The following CAST variants were observed in gnomAD, a reference collection of about 807,000 sequenced individuals.
The protein encoded by CAST is calpastatin.
A neutral mutation model predicts 119.6 loss-of-function variants in CAST; 76 were observed. The ratio of observed to expected loss-of-function variants is 0.64; its 90% CI spans 0.53 to 0.77. CAST has a LOEUF of 0.77. Ranked by LOEUF, CAST falls within the 30% of genes least tolerant of loss-of-function variation. The pLI is 0.00. For missense variants in CAST, 953 were observed against 946.5 expected, an observed-to-expected ratio of 1.01 and a Z score of -0.09; for synonymous variants, 319 against 331.6, an observed-to-expected ratio of 0.96 and a Z score of 0.41.
chr5:96,491,677 C>T, the CAST span, among the ~76,000 whole-genome samples: 289 of 151,872 alleles, frequency 1.9e-3, no homozygotes, highest in African/African-American at 6.6e-3. Context: ...ATATGCCCAA[C>T]AGGAATGTAA....
chr5:96,043,450 G>C, the CAST span, among the ~76,000 whole-genome samples: 1 of 152,136 alleles, frequency 6.6e-6, no homozygotes, highest in Non-Finnish European at 1.5e-5. Context: ...GGACCCTTTT[G>C]GTTGCAAATA....
intron 2 of CAST, among the ~76,000 whole-genome samples, chr5:96,691,998 T>A (rs1254562627): frequency 6.6e-6 from 1 of 152,150 alleles, no homozygotes; most frequent in Non-Finnish European, 1.5e-5. Context: ...AGTAAAAAAT[T>A]TTTTCTCTGA....
intron 2 of CAST, among the ~76,000 whole-genome samples, chr5:96,681,177 C>T (rs983074257): frequency 7.9e-5 from 12 of 152,062 alleles, no homozygotes; most frequent in African/African-American, 2.9e-4. Context: ...AGGGAGGGAG[C>T]ACAATGATGA....
intron 1 of CAST, among the ~76,000 whole-genome samples, chr5:96,577,592 T>C (rs261244): frequency 0.82 from 125,064 of 152,010 alleles, 51,565 homozygotes; most frequent in East Asian, 0.95. Flanking sequence ...TTCATTTTCA[T>C]TCAGTTCTGT....
At chr5:96,364,234 G>C in the CAST span, among the ~76,000 whole-genome samples, 215 of 152,182 alleles carry the variant, frequency 1.4e-3, 1 homozygote, top group African/African-American at 4.8e-3. Flanking sequence ...ATTTGGTTTG[G>C]CAGTATTTTA....
chr5:96,124,456 G>A, the CAST span, among the ~76,000 whole-genome samples: 156 of 152,150 alleles, frequency 1.0e-3, no homozygotes, highest in African/African-American at 3.3e-3. Context: ...AAAATTTCAA[G>A]CATTTTTATT....
the CAST span, among the ~76,000 whole-genome samples, chr5:96,346,081 A>C: frequency 6.6e-6 from 1 of 152,182 alleles, no homozygotes; most frequent in African/African-American, 2.4e-5. Context: ...TGGAGTTTGC[A>C]TTTGGGTGGT....
chr5:96,393,013 A>T, the CAST span: 1 of 1,614,198 alleles, frequency 6.2e-7, no homozygotes, highest in Middle Eastern at 1.6e-4. Context: ...AATTTTCCTC[A>T]TTCAGAATGT....
chr5:96,634,608 G>C (rs887786382), intron 1 of CAST, among the ~76,000 whole-genome samples: 6 of 152,144 alleles, frequency 3.9e-5, no homozygotes, highest in African/African-American at 1.4e-4. Context: ...AATGTCAAGG[G>C]CATCTCCATT....
the CAST span, among the ~76,000 whole-genome samples, chr5:96,232,965 T>C: frequency 6.6e-6 from 1 of 152,072 alleles, no homozygotes; most frequent in Non-Finnish European, 1.5e-5. Flanking sequence ...CACTTGCATA[T>C]GTTAACACAG....
At chr5:96,271,193 G>A in the CAST span, among the ~76,000 whole-genome samples, 17 of 152,110 alleles carry the variant, frequency 1.1e-4, no homozygotes, top group Admixed American at 1.1e-3. Context: ...TATTGTTAAA[G>A]TGACAATACT....
chr5:96,586,723 TGCTG>T (rs761351829), intron 1 of CAST, among the ~76,000 whole-genome samples: 14 of 152,244 alleles, frequency 9.2e-5, no homozygotes, highest in Non-Finnish European at 1.6e-4. Context: ...AGTAAAGAAC[TGCTG>T]GTACAAAGTA....
the CAST span, among the ~76,000 whole-genome samples, chr5:96,029,161 T>A: frequency 6.6e-6 from 1 of 152,150 alleles, no homozygotes. Context: ...ATGGGAATAC[T>A]GATGAAATGC....
chr5:96,411,521 G>T, the CAST span, among the ~76,000 whole-genome samples: 1 of 152,192 alleles, frequency 6.6e-6, no homozygotes, highest in African/African-American at 2.4e-5. Context: ...GGAGCACAAG[G>T]CTTTAGAATC....
intron 1 of CAST, among the ~76,000 whole-genome samples, chr5:96,633,061 A>G (rs1747842824): frequency 6.6e-6 from 1 of 152,086 alleles, no homozygotes; most frequent in African/African-American, 2.4e-5. Flanking sequence ...AACTTCTGCC[A>G]CCTGGGTTCA....
chr5:96,034,077 C>G, the CAST span, among the ~76,000 whole-genome samples: 1 of 151,906 alleles, frequency 6.6e-6, no homozygotes, highest in Non-Finnish European at 1.5e-5. Flanking sequence ...TTGAGGCCAG[C>G]CTGGACAACA....
the CAST span, among the ~76,000 whole-genome samples, chr5:96,440,620 G>A: frequency 6.6e-6 from 1 of 152,086 alleles, no homozygotes; most frequent in African/African-American, 2.4e-5. Flanking sequence ...GTCCGTTTAA[G>A]GCTACTCAAG....
the CAST span, among the ~76,000 whole-genome samples, chr5:96,133,255 C>A: frequency 6.6e-6 from 1 of 151,778 alleles, no homozygotes; most frequent in Non-Finnish European, 1.5e-5. Context: ...TTAAAGACCA[C>A]TTTTGGTTCT....
At chr5:96,646,337 C>T (rs1319023072) in intron 1 of CAST, among the ~76,000 whole-genome samples, 2 of 152,170 alleles carry the variant, frequency 1.3e-5, no homozygotes, top group African/African-American at 4.8e-5. Context: ...ATTACAGCAT[C>T]GTTTAATAAC....
Sources: gnomAD v4.1 joint callset for allele counts (sites outside exome capture counted in the v4.1 genomes callset) on GRCh38, gnomAD v4.1.1 for gene constraint, MANE v1.5 for transcripts, NCBI Gene and HGNC (gene_info 2026-07-23, HGNC 2026-07-21) for gene names.